GPHN: variants seen among roughly 807,000 people sequenced by gnomAD.
GPHN encodes the protein gephyrin.
GPHN carries 17 observed loss-of-function variants against 95.5 expected under a neutral mutation model. The ratio of observed to expected loss-of-function variants is 0.18; its 90% CI spans 0.12 to 0.27. The LOEUF (loss-of-function observed/expected upper bound fraction) is 0.27, where lower values mean the gene tolerates loss of function less well. Ranked by LOEUF, GPHN falls within the 10% of genes least tolerant of loss-of-function variation. The probability of loss-of-function intolerance (pLI) is 1.00; values close to 1 mark genes in which losing one functional copy is unlikely to be tolerated. For synonymous variants in GPHN, 320 were observed against 322.5 expected (o/e 0.99, Z 0.08); for missense variants, 660 against 978.1 (o/e 0.67, Z 4.34).
the GPHN span, among the ~76,000 whole-genome samples, chr14:67,702,404 T>C: frequency 6.6e-6 from 1 of 152,208 alleles, no homozygotes; most frequent in East Asian, 1.9e-4. Flanking sequence ...GCTGTATTTC[T>C]TAAACCAACA....
intron 1 of GPHN, among the ~76,000 whole-genome samples, chr14:66,513,358 C>T (rs1055852817): frequency 1.8e-4 from 28 of 151,824 alleles, no homozygotes; most frequent in Admixed American, 1.4e-3. Flanking sequence ...TATTTGACTT[C>T]AAGCAGGCAT....
the GPHN span, chr14:67,651,664 T>C: frequency 4.1e-6 from 2 of 488,462 alleles, no homozygotes; most frequent in Non-Finnish European, 6.9e-6. Flanking sequence ...ACTGTCTACC[T>C]CACAGAAATG....
chr14:67,297,048 T>C, the GPHN span, among the ~76,000 whole-genome samples: 1 of 152,244 alleles, frequency 6.6e-6, no homozygotes. Context: ...GTCACATTAT[T>C]TTAACTTGAT....
the GPHN span, among the ~76,000 whole-genome samples, chr14:67,698,983 G>T: frequency 6.6e-6 from 1 of 152,154 alleles, no homozygotes; most frequent in South Asian, 2.1e-4. Flanking sequence ...AGGCATGTTG[G>T]CTCATGCCTG....
rs111918904 is a variant in GPHN, at chr14:66,549,093, A to G, written c.64+40502A>G. Among the ~76,000 whole-genome samples the G allele has an allele frequency of 3.6e-3, 553 of 152,286 alleles. 11 individuals carry two copies. The highest frequency in any genetic ancestry group is 0.013 in the African/African-American group (527 of 41,586). ...TTATGTGTTAATTTATATATAAATAAAAGTTATCATATACTTCCATGGTAT... is the reference window on the plus strand; with the variant it reads ...TTATGTGTTAATTTATATATAAATAGAAGTTATCATATACTTCCATGGTAT... On this transcript the variant is annotated intron_variant, in intron 1 of 22. Coordinates refer to ENST00000478722, the MANE Select transcript of GPHN (RefSeq NM_020806.5).
chr14:66,950,366 T>C (rs10147954), intron 8 of GPHN, among the ~76,000 whole-genome samples: 24,348 of 152,170 alleles, frequency 0.16, 3,785 homozygotes, highest in East Asian at 0.45. Context: ...GACAACCTTA[T>C]ATACATTGCC....
chr14:67,324,077 A>G, the GPHN span, among the ~76,000 whole-genome samples: 1 of 152,140 alleles, frequency 6.6e-6, no homozygotes, highest in African/African-American at 2.4e-5. Context: ...ACTGCCACCA[A>G]AGTTATCAGC....
the GPHN span, among the ~76,000 whole-genome samples, chr14:67,448,723 A>G: frequency 1.3e-5 from 2 of 152,190 alleles, no homozygotes; most frequent in Non-Finnish European, 2.9e-5. Context: ...TCACGCTCTC[A>G]GCATAGTATT....
chr14:67,623,834 T>C, the GPHN span, among the ~76,000 whole-genome samples: 5 of 151,944 alleles, frequency 3.3e-5, no homozygotes, highest in African/African-American at 4.8e-5. Context: ...GAGCCACTGC[T>C]CCCAGCCACC....
At chr14:66,961,900 G>GTATATATA (rs767734322) in intron 8 of GPHN, among the ~76,000 whole-genome samples, 1,615 of 52,472 alleles carry the variant, frequency 0.031, 169 homozygotes, top group Non-Finnish European at 0.051. Context: ...CCCTGAATGT[G>GTATATATA]TATATATATA....
intron 10 of GPHN, among the ~76,000 whole-genome samples, chr14:67,047,178 G>A (rs1282598321): frequency 1.3e-5 from 2 of 152,000 alleles, no homozygotes; most frequent in East Asian, 3.9e-4. Flanking sequence ...GTAGTTTAGG[G>A]AGCTTTTCTA....
At chr14:67,218,394 A>G in the GPHN span, among the ~76,000 whole-genome samples, 1 of 152,030 alleles carries the variant, frequency 6.6e-6, no homozygotes, top group Non-Finnish European at 1.5e-5. Context: ...CCGTTTCTCA[A>G]ATCTGGAACA....
intron 2 of GPHN, among the ~76,000 whole-genome samples, chr14:66,691,246 G>A (rs919587865): frequency 2.0e-5 from 3 of 151,728 alleles, no homozygotes; most frequent in Admixed American, 6.6e-5. Context: ...GTGCAGTGGC[G>A]CAATCTCGGC....
At chr14:66,753,068 C>G (rs543024170) in intron 2 of GPHN, among the ~76,000 whole-genome samples, 1 of 152,034 alleles carries the variant, frequency 6.6e-6, no homozygotes, top group East Asian at 1.9e-4. Flanking sequence ...ATGGTAGATT[C>G]TGTTATTGGC....
chr14:67,017,644 A>G (rs2073387171), intron 9 of GPHN, among the ~76,000 whole-genome samples: 1 of 152,110 alleles, frequency 6.6e-6, no homozygotes, highest in South Asian at 2.1e-4. Context: ...GCTCTCTTAG[A>G]AAATAAGGAA....
At chr14:66,764,819 T>C (rs2058902723) in intron 2 of GPHN, among the ~76,000 whole-genome samples, 1 of 152,100 alleles carries the variant, frequency 6.6e-6, no homozygotes, top group Non-Finnish European at 1.5e-5. Flanking sequence ...ATTAGTATTC[T>C]AAGTTTAAAA....
chr14:67,588,284 CCTT>C, the GPHN span: 2 of 152,580 alleles, frequency 1.3e-5, no homozygotes, highest in Admixed American at 6.5e-5. Flanking sequence ...TCATTTGTTT[CCTT>C]CTTCTTGTAA....
intron 2 of GPHN, among the ~76,000 whole-genome samples, chr14:66,767,532 A>G (rs2153456240): frequency 6.6e-6 from 1 of 151,920 alleles, no homozygotes; most frequent in East Asian, 1.9e-4. Flanking sequence ...AAAGTGTTTT[A>G]TCAGTAACTT....
the GPHN span, among the ~76,000 whole-genome samples, chr14:67,237,162 A>G: frequency 6.6e-6 from 1 of 151,880 alleles, no homozygotes; most frequent in African/African-American, 2.4e-5. Flanking sequence ...TTTGTTTCAT[A>G]ATTTCTCTTT....
Sources: allele counts gnomAD v4.1 joint callset (sites outside exome capture counted in the v4.1 genomes callset), GRCh38; gene constraint gnomAD v4.1.1; transcripts MANE v1.5; gene names NCBI Gene and HGNC (gene_info 2026-07-23, HGNC 2026-07-21).